CTNNA2: variants seen among roughly 807,000 people sequenced by gnomAD.
CTNNA2 encodes the protein catenin alpha 2, also known as catenin alpha-2.
A neutral mutation model predicts 101.0 loss-of-function variants in CTNNA2; 42 were observed. The observed-to-expected ratio is 0.42, with a 90% CI of 0.32 to 0.54. The LOEUF (loss-of-function observed/expected upper bound fraction) is 0.54, where lower values mean the gene tolerates loss of function less well. Ranked by LOEUF, CTNNA2 falls within the 20% of genes least tolerant of loss-of-function variation. The probability of loss-of-function intolerance (pLI) is 0.14; values close to 1 mark genes in which losing one functional copy is unlikely to be tolerated. For missense variants in CTNNA2, 871 were observed against 1,223.1 expected, an observed-to-expected ratio of 0.71 and a Z score of 4.29; for synonymous variants, 450 against 456.4, an observed-to-expected ratio of 0.99 and a Z score of 0.18.
At chr2:79,299,800 A>G (rs974764829) in intron 2 of CTNNA2, among the ~76,000 whole-genome samples, 2 of 152,242 alleles carry the variant, frequency 1.3e-5, no homozygotes, top group African/African-American at 4.8e-5. Flanking sequence ...TGTGCTTTTC[A>G]TATTTGAATA....
At chr2:80,453,021 G>C (rs1260226975) in intron 9 of CTNNA2, among the ~76,000 whole-genome samples, 1 of 152,088 alleles carries the variant, frequency 6.6e-6, no homozygotes, top group Non-Finnish European at 1.5e-5. Flanking sequence ...TGACAGCCTG[G>C]GACCTCTTTG....
Position 79,330,171 on chromosome 2 carries a change from C to T in CTNNA2, c.-318+17375C>T, listed in dbSNP as rs555609633. ...AGATCAGTCCTACCAGCTGTCCACA[C>T]TGAGACAGGAGAACTTGTAAAACAA... On this transcript the variant is annotated intron_variant, in intron 3 of 21. Transcript: ENST00000466387. Among the ~76,000 whole-genome samples, 3 of 152,236 alleles carry T rather than the reference C, an allele frequency of 2.0e-5. No homozygotes were observed. In the South Asian group the frequency reaches 6.2e-4, roughly 32 times the overall value.
rs372413210 is a variant in CTNNA2, at chr2:79,195,265, G to C, written c.-523-2694G>C. Among the ~76,000 whole-genome samples the C allele has an allele frequency of 5.9e-5, 9 of 152,210 alleles. No homozygotes were observed. The East Asian group carries it at 1.7e-3, about 29-fold the overall frequency. On this transcript the variant is annotated intron_variant, in intron 1 of 21. Transcript: ENST00000466387. ...GTTAATTGCTCCCTCTACTACCTCA[G>C]AAATAGCACCAAATGCAGAAATGGG...
rs574865798 is a variant in CTNNA2, at chr2:79,859,438, A to G, written c.465+1259A>G. ...GGATCTTTTACCGAAGGTGGCCCCA[A>G]TAAAGTAGCCAAGATTTCCAAATTA... On this transcript the variant is annotated intron_variant, in intron 4 of 18. Coordinates refer to ENST00000402739, the MANE Select transcript of CTNNA2 (RefSeq NM_001282597.3). Among the ~76,000 whole-genome samples, 311 of 152,250 alleles carry G rather than the reference A, an allele frequency of 2.0e-3. 1 individual carries two copies. The highest frequency in any genetic ancestry group is 3.4e-3 in the Middle Eastern group (1 of 294).
intron 2 of CTNNA2, among the ~76,000 whole-genome samples, chr2:79,234,077 A>G (rs992622175): frequency 1.3e-5 from 2 of 151,028 alleles, no homozygotes; most frequent in Non-Finnish European, 2.9e-5. Context: ...TGATCCTGTC[A>G]TCATGTTGTT....
At chr2:80,644,789 G>T (rs932027056) in intron 18 of CTNNA2, among the ~76,000 whole-genome samples, 16 of 152,148 alleles carry the variant, frequency 1.1e-4, no homozygotes, top group Admixed American at 1.0e-3. Context: ...TTCAAGATCT[G>T]CCTTAGCAGG....
chr2:79,960,473 G>A (rs1351258805), intron 7 of CTNNA2, among the ~76,000 whole-genome samples: 2 of 152,210 alleles, frequency 1.3e-5, no homozygotes, highest in African/African-American at 2.4e-5. Context: ...ATAGTGCTGC[G>A]ATTGATTCTG....
At chr2:79,414,183 TC>T (rs1253580274) in intron 4 of CTNNA2, among the ~76,000 whole-genome samples, 2 of 151,906 alleles carry the variant, frequency 1.3e-5, no homozygotes, top group Non-Finnish European at 2.9e-5. Context: ...TTCTCATCCC[TC>T]CATTTTGTTT....
chr2:79,319,699 C>T (rs1485428377), intron 3 of CTNNA2: 1 of 152,168 alleles, frequency 6.6e-6, no homozygotes, highest in Non-Finnish European at 1.5e-5. Flanking sequence ...CCTATCCTCC[C>T]ATTTTTTCCC....
chr2:79,777,292 T>G (rs1412709121), intron 3 of CTNNA2, among the ~76,000 whole-genome samples: 2 of 151,908 alleles, frequency 1.3e-5, no homozygotes, highest in Non-Finnish European at 2.9e-5. Flanking sequence ...ACAGCCAATA[T>G]TTACTGAGCT....
At chr2:80,443,650 A>T (rs1414373751) in intron 9 of CTNNA2, among the ~76,000 whole-genome samples, 1 of 152,228 alleles carries the variant, frequency 6.6e-6, no homozygotes, top group East Asian at 1.9e-4. Context: ...GTCGTTAATT[A>T]GCAGTGAAAC....
chr2:80,087,533 CT>C (rs1325051810), intron 7 of CTNNA2, among the ~76,000 whole-genome samples: 2 of 152,048 alleles, frequency 1.3e-5, no homozygotes, highest in African/African-American at 4.8e-5. Context: ...ATGTTTCCCT[CT>C]ATTTCAAAGT....
intron 4 of CTNNA2, among the ~76,000 whole-genome samples, chr2:79,484,351 C>T (rs1671138721): frequency 6.6e-6 from 1 of 152,062 alleles, no homozygotes; most frequent in Admixed American, 6.6e-5. Flanking sequence ...ATGTAGATTG[C>T]CAATCCCTTT....
intron 9 of CTNNA2, among the ~76,000 whole-genome samples, chr2:80,450,963 C>T (rs868581081): frequency 1.3e-4 from 20 of 149,292 alleles, no homozygotes; most frequent in Middle Eastern, 3.5e-3. Context: ...AACCTCCTGA[C>T]CATTAAGGTG....
intron 4 of CTNNA2, among the ~76,000 whole-genome samples, chr2:79,450,331 A>G (rs938758116): frequency 3.3e-5 from 5 of 152,044 alleles, no homozygotes; most frequent in Non-Finnish European, 7.4e-5. Flanking sequence ...ATACATAACA[A>G]AAGGGCTGCT....
chr2:80,636,055 T>C (rs1672847073), intron 18 of CTNNA2, among the ~76,000 whole-genome samples: 1 of 148,602 alleles, frequency 6.7e-6, no homozygotes. Context: ...TCCTTTTCAA[T>C]AACCTTGGAT....
In CTNNA2 at chr2:80,069,430, T is replaced by G. The variant is rs539119403; in HGVS notation, c.1056+159633T>G. ...TCAGCATGGTACTCACAAACACTTC[T>G]TTTTAAATCATACTTTATCTCTAAA... is the stretch of plus-strand genomic sequence containing the variant. On this transcript the variant is annotated intron_variant, in intron 7 of 18. Transcript: ENST00000402739. 1.1e-4 allele frequency among the ~76,000 whole-genome samples: 17 copies of G among 152,322 alleles called. No homozygotes were observed. The South Asian group carries it at 3.3e-3, about 30-fold the overall frequency.
At chr2:80,442,692 C>A (rs1450413569) in intron 9 of CTNNA2, among the ~76,000 whole-genome samples, 1 of 152,132 alleles carries the variant, frequency 6.6e-6, no homozygotes, top group Non-Finnish European at 1.5e-5. Context: ...GATACTAATA[C>A]CTTCCCCTCT....
chr2:80,231,635 A>T (rs1709217941), intron 7 of CTNNA2, among the ~76,000 whole-genome samples: 1 of 152,192 alleles, frequency 6.6e-6, no homozygotes, highest in African/African-American at 2.4e-5. Context: ...CAACATTAAC[A>T]TTAAAAGAGA....
Sources: allele counts gnomAD v4.1 joint callset (sites outside exome capture counted in the v4.1 genomes callset), GRCh38; gene constraint gnomAD v4.1.1; transcripts MANE v1.5; gene names NCBI Gene and HGNC (gene_info 2026-07-23, HGNC 2026-07-21).